Variants in TBC1D15 observed in about 807,000 individuals in gnomAD.
TBC1D15 encodes the protein GAP for RAB7.
A neutral mutation model predicts 95.4 loss-of-function variants in TBC1D15; 39 were observed. The observed-to-expected ratio is 0.41, with a 90% CI of 0.32 to 0.53. The LOEUF (loss-of-function observed/expected upper bound fraction) is 0.53, where lower values mean the gene tolerates loss of function less well. Among genes scored for constraint, TBC1D15 ranks in the 20% least tolerant of loss-of-function variants. TBC1D15 has a pLI of 0.29. For synonymous variants in TBC1D15, 258 were observed against 261.3 expected, an observed-to-expected ratio of 0.99 and a Z score of 0.12; for missense variants, 733 against 794.3, an observed-to-expected ratio of 0.92 and a Z score of 0.93.
intron 1 of TBC1D15, among the ~76,000 whole-genome samples, chr12:71,842,247 A>G (rs1237103040): frequency 6.6e-6 from 1 of 152,186 alleles, no homozygotes; most frequent in Non-Finnish European, 1.5e-5. Flanking sequence ...GCAAAAGGTA[A>G]TGGTTAAGAG....
chr12:71,906,452 A>G (rs1900735746), intron 10 of TBC1D15, among the ~76,000 whole-genome samples: 1 of 152,204 alleles, frequency 6.6e-6, no homozygotes, highest in Non-Finnish European at 1.5e-5. Context: ...TCTGTTTCTC[A>G]TGAAGTCATT....
intron 11 of TBC1D15, 23 bp downstream of exon 11, chr12:71,907,161 T>A: frequency 1.4e-6 from 2 of 1,389,372 alleles, no homozygotes; most frequent in South Asian, 1.2e-5. Context: ...AAGTTCTAAT[T>A]TTAAAAGATG....
chr12:71,860,960 T>A (rs547026878), intron 1 of TBC1D15, among the ~76,000 whole-genome samples: 1 of 152,354 alleles, frequency 6.6e-6, no homozygotes, highest in South Asian at 2.1e-4. Flanking sequence ...TCTATTGAGA[T>A]GATCGTATGA....
intron 16 of TBC1D15, 59 bp from the exon 17 acceptor site, chr12:71,922,924 T>G: frequency 1.3e-6 from 2 of 1,493,414 alleles, no homozygotes; most frequent in South Asian, 2.3e-5. Flanking sequence ...AAGTGTTACT[T>G]TGTGGTTATT....
chr12:71,892,264 A>G (rs1023624733), intron 5 of TBC1D15, among the ~76,000 whole-genome samples: 1 of 152,082 alleles, frequency 6.6e-6, no homozygotes, highest in African/African-American at 2.4e-5. Flanking sequence ...GTGTAAGAAT[A>G]TAAGATCCTG....
chr12:71,886,264 G>A (rs929202344), intron 5 of TBC1D15, among the ~76,000 whole-genome samples: 3 of 152,084 alleles, frequency 2.0e-5, no homozygotes, highest in Non-Finnish European at 2.9e-5. Flanking sequence ...TGCCTCGTGG[G>A]TTCAGACAGT....
At chr12:71,884,011 C>T (rs1040412773) in intron 4 of TBC1D15, among the ~76,000 whole-genome samples, 1 of 152,106 alleles carries the variant, frequency 6.6e-6, no homozygotes, top group Non-Finnish European at 1.5e-5. Flanking sequence ...TTTTACATAA[C>T]TATAATTTGG....
At chr12:71,841,418 C>T (rs1039219278) in intron 1 of TBC1D15, among the ~76,000 whole-genome samples, 2 of 152,186 alleles carry the variant, frequency 1.3e-5, no homozygotes, top group Non-Finnish European at 2.9e-5. Context: ...ATTGCCATCA[C>T]TCCACTGAAA....
intron 1 of TBC1D15, among the ~76,000 whole-genome samples, chr12:71,855,993 A>G (rs917660854): frequency 2.6e-5 from 4 of 151,850 alleles, no homozygotes; most frequent in East Asian, 1.9e-4. Context: ...TTAATCAAAT[A>G]CATTATTTCT....
chr12:71,861,379 T>TAG lies in TBC1D15; in HGVS notation c.31-10690_31-10689insGA, dbSNP rs1890323703. On this transcript the variant is annotated intron_variant, in intron 1 of 16. Coordinates refer to ENST00000485960, the MANE Select transcript of TBC1D15 (RefSeq NM_001146213.3). ...AGACTTTTCATTACTGATTCAAACT[T>TAG]ACTGTACTGTAATTGTTTTTTTCAG... 5 of 1,301,376 alleles carry TAG rather than the reference T, an allele frequency of 3.8e-6. No individual in the cohort carries two copies. The East Asian group carries it at 1.4e-4, about 37-fold the overall frequency. The allele number at this position is 1,301,376 out of a possible 1,614,324, so 80.6% of individuals were successfully genotyped here.
intron 11 of TBC1D15, among the ~76,000 whole-genome samples, chr12:71,910,099 C>T (rs1901814523): frequency 6.6e-6 from 1 of 151,958 alleles, no homozygotes. Context: ...GTTTTCCCAG[C>T]ACCATTTATT....
rs148084121 is a variant in TBC1D15 at position 71,855,559 on chromosome 12, T to A, written c.30+15748T>A. On this transcript the variant is annotated intron_variant, in intron 1 of 16. Transcript: ENST00000485960. ...GGTGTGTGCCTGTAGTCCCAGCTAC[T>A]TGGGAGGCTGAGGCAGGAGAATGGT... 8.2e-3 allele frequency among the ~76,000 whole-genome samples: 1,234 copies of A among 150,998 alleles called. 18 individuals are homozygous for A. Among genetic ancestry groups the A allele is most frequent in the African/African-American group, 0.028 (1,166 of 41,032 alleles).
In TBC1D15 at chr12:71,872,173, G is replaced by A. The variant is rs767592625; in HGVS notation, c.129+5G>A. ...ATATTACGTGTTTTAGAAAAGGTAA[G>A]TTTCTAGTAAATGATTTTATTTAAT... On this transcript the variant is annotated splice_donor_5th_base_variant and intron_variant, in intron 2 of 16. Transcript: ENST00000485960. 1.2e-5 allele frequency: 18 copies of A among 1,498,258 alleles called. No homozygotes were observed. Among genetic ancestry groups the A allele is most frequent in the Admixed American group, 2.2e-5 (1 of 45,672 alleles). The allele number at this position is 1,498,258 out of a possible 1,614,324, so 92.8% of individuals were successfully genotyped here.
intron 12 of TBC1D15, 76 bp downstream of exon 12, chr12:71,914,002 T>A: frequency 8.9e-7 from 1 of 1,126,084 alleles, no homozygotes; most frequent in Admixed American, 2.8e-5. Flanking sequence ...AAGGTTGATT[T>A]TTATATTTAG....
At chr12:71,876,170 T>G (rs11178975) in intron 3 of TBC1D15, among the ~76,000 whole-genome samples, 51,280 of 152,052 alleles carry the variant, frequency 0.34, 10,502 homozygotes, top group African/African-American at 0.58. Context: ...GTTTTAGAAG[T>G]TTTATTATGG....
chr12:71,865,983 A>C (rs1204247823), intron 1 of TBC1D15, among the ~76,000 whole-genome samples: 1 of 151,888 alleles, frequency 6.6e-6, no homozygotes, highest in Non-Finnish European at 1.5e-5. Flanking sequence ...GGAACTGGGG[A>C]TATGGGACTG....
intron 1 of TBC1D15, chr12:71,849,315 A>G: frequency 1.9e-6 from 2 of 1,071,890 alleles, no homozygotes; most frequent in East Asian, 4.7e-5. Context: ...GAATCTTTTT[A>G]GGTAAGGAGG....
intron 1 of TBC1D15, chr12:71,861,479 G>A: frequency 1.3e-6 from 2 of 1,537,852 alleles, no homozygotes; most frequent in Non-Finnish European, 1.8e-6. Context: ...CAGTTTGTTG[G>A]AGTATGGTAG....
intron 10 of TBC1D15, 112 bp from the exon 11 acceptor site, chr12:71,906,910 T>G: frequency 1.9e-6 from 1 of 530,790 alleles, no homozygotes. Flanking sequence ...TAAGTAAAGC[T>G]TGGTGAGTGA....
Sources: gnomAD v4.1 joint callset for allele counts (sites outside exome capture counted in the v4.1 genomes callset) on GRCh38, gnomAD v4.1.1 for gene constraint, MANE v1.5 for transcripts, NCBI Gene and HGNC (gene_info 2026-07-23, HGNC 2026-07-21) for gene names.